ABCG1: variants seen among roughly 807,000 people sequenced by gnomAD.
The protein encoded by ABCG1 is ATP-binding cassette sub-family G member 1.
A neutral mutation model predicts 69.2 loss-of-function variants in ABCG1; 29 were observed. The ratio of observed to expected loss-of-function variants is 0.42; its 90% CI spans 0.31 to 0.57. The LOEUF (loss-of-function observed/expected upper bound fraction) is 0.57. ABCG1 is among the 20% of genes least tolerant of loss of function. The pLI, the probability that ABCG1 is intolerant of heterozygous loss-of-function variation, is 0.15. For synonymous variants in ABCG1, 370 were observed against 374.8 expected (o/e 0.99, Z 0.15); for missense variants, 718 against 898.1 (o/e 0.80, Z 2.56).
In ABCG1 at chr21:42,273,526, GA is replaced by G; in HGVS notation, c.537+92del. The G allele has an allele frequency of 6.8e-7, 1 of 1,468,820 alleles. No homozygotes were observed. 91.0% of individuals were successfully genotyped at this position (1,468,820 alleles called of 1,614,324 possible). A position where few individuals can be genotyped will look rare whatever the true frequency, so the allele number is the denominator to read the frequency against. On this transcript the variant is annotated intron_variant, in intron 4 of 14. Coordinates refer to ENST00000398449, the MANE Select transcript of ABCG1 (RefSeq NM_016818.3). The surrounding 1 kb of genome is among the most constrained non-coding windows in gnomAD (Gnocchi z 5.3). ...CAGCACTGGCCGAGTGCCCAGCTGC[GA>G]GGGACCCAAGGGCTCTGCCACGCGG...
chr21:42,265,194 C>A (rs1206283343), intron 2 of ABCG1, among the ~76,000 whole-genome samples: 2 of 152,204 alleles, frequency 1.3e-5, no homozygotes. Flanking sequence ...CATTCCTGCA[C>A]CCACAGGTCA....
At chr21:42,242,687 G>T (rs1023573767) in intron 2 of ABCG1, among the ~76,000 whole-genome samples, 1 of 152,208 alleles carries the variant, frequency 6.6e-6, no homozygotes. Context: ...ATTCTGTTCC[G>T]GCTCTTGTGT....
At chr21:42,257,286 C>A (rs1050817078) in intron 2 of ABCG1, among the ~76,000 whole-genome samples, 3 of 152,286 alleles carry the variant, frequency 2.0e-5, no homozygotes, top group Non-Finnish European at 4.4e-5. Flanking sequence ...AGATTCCAGT[C>A]AATCAATTTG....
At chr21:42,247,300 G>T (rs1042618088) in intron 2 of ABCG1, among the ~76,000 whole-genome samples, 4 of 152,202 alleles carry the variant, frequency 2.6e-5, no homozygotes, top group Admixed American at 1.3e-4. Flanking sequence ...AATTGATAGG[G>T]ACACAAGGAG....
chr21:42,282,353 A>G lies in ABCG1; in HGVS notation c.668A>G (p.Lys223Arg). Residue 223 changes from lysine (K) to arginine (R), a missense_variant, in exon 6 of 15, where the codon AAG (lysine) becomes AGG (arginine). Coordinates refer to ENST00000398449, the MANE Select transcript of ABCG1 (RefSeq NM_016818.3). ...RTGSLSGGQR[K>R]RLAIALELVN... ...GGGAGCCTGTCAGGTGGTCAGCGCA[A>G]GCGCCTGGCCATCGCGCTGGAGCTG... The G allele has an allele frequency of 6.2e-7, 1 of 1,613,830 alleles. No homozygotes were observed. Among genetic ancestry groups the G allele is most frequent in the Non-Finnish European group, 8.5e-7 (1 of 1,180,010 alleles).
chr21:42,201,589 C>T, exon 2 of ABCG1: 1 of 1,545,604 alleles, frequency 6.5e-7, no homozygotes, highest in Non-Finnish European at 8.7e-7. Flanking sequence ...CTACACCAAC[C>T]TGAACTTCGC....
chr21:42,208,981 G>C lies in ABCG1; in HGVS notation c.48+7258G>C, dbSNP rs558941272. On this transcript the variant is annotated intron_variant, in intron 2 of 15. Transcript: ENST00000398457. ...AGGAGGAATGCAGAGCTGGGGTTCT[G>C]GGGGAGGGAGGCAGGAGGGTCAGGA... is the stretch of plus-strand genomic sequence containing the variant. 2.6e-5 allele frequency among the ~76,000 whole-genome samples: 4 copies of C among 152,306 alleles called. No individual in the cohort carries two copies. In the East Asian group the frequency reaches 7.7e-4, roughly 29 times the overall value.
rs2068712438 is a variant in ABCG1, at chr21:42,276,454, C to T, written c.538-441C>T. 1 of 160,770 alleles carries T rather than the reference C, an allele frequency of 6.2e-6. No individual in the cohort carries two copies. Among genetic ancestry groups the T allele is most frequent in the Non-Finnish European group, 1.4e-5 (1 of 73,158 alleles). 10.0% of individuals were successfully genotyped at this position (160,770 alleles called of 1,614,324 possible). A position where few individuals can be genotyped will look rare whatever the true frequency, so the allele number is the denominator to read the frequency against. On this transcript the variant is annotated intron_variant, in intron 4 of 14. Coordinates refer to ENST00000398449, the MANE Select transcript of ABCG1 (RefSeq NM_016818.3). The surrounding 1 kb of genome is among the most constrained non-coding windows in gnomAD (Gnocchi z 5.3). ...TTACCTCTAAATGGCCCACATCTGA[C>T]TTCTCTCCTGGGTACAGCAGAGAAT...
intron 2 of ABCG1, among the ~76,000 whole-genome samples, chr21:42,240,654 G>A (rs772797063): frequency 2.0e-5 from 3 of 152,218 alleles, no homozygotes; most frequent in African/African-American, 4.8e-5. Context: ...CGCCATGTTG[G>A]CCAGGCCGGT....
chr21:42,276,682 A>G lies in ABCG1; in HGVS notation c.538-213A>G. On this transcript the variant is annotated intron_variant, in intron 4 of 14. Transcript: ENST00000398449. The surrounding 1 kb of genome is among the most constrained non-coding windows in gnomAD (Gnocchi z 5.3). Reference sequence around the variant, plus strand: ...GGCCTTATGCCTAGCTGCACTGTGGATAGCTGCACCGTGACTAGTGGCACC... The same window carrying G: ...GGCCTTATGCCTAGCTGCACTGTGGGTAGCTGCACCGTGACTAGTGGCACC... 1.8e-6 allele frequency: 1 copy of G among 559,228 alleles called. No homozygotes were observed. The allele number at this position is 559,228 out of a possible 1,614,324, so 34.6% of individuals were successfully genotyped here. A position where few individuals can be genotyped will look rare whatever the true frequency, so the allele number is the denominator to read the frequency against.
At chr21:42,242,762 CGTT>C (rs2068070757) in intron 2 of ABCG1, among the ~76,000 whole-genome samples, 1 of 152,102 alleles carries the variant, frequency 6.6e-6, no homozygotes, top group Admixed American at 6.6e-5. Context: ...TGAACCATAT[CGTT>C]GTTTGTTGTG....
At chr21:42,218,434 T>TATGGCCGGGTTCTGAACAC (rs1555947304), upstream of ABCG1, among the ~76,000 whole-genome samples, 10,542 of 152,064 alleles carry the variant, frequency 0.069, 1,221 homozygotes, top group African/African-American at 0.24. Context: ...TCCATGAACA[T>TATGGCCGGGTTCTGAACAC]GGCTCTGGAA....
intron 2 of ABCG1, among the ~76,000 whole-genome samples, chr21:42,259,717 G>A (rs1471002921): frequency 1.3e-5 from 2 of 152,238 alleles, no homozygotes; most frequent in Admixed American, 1.3e-4. Flanking sequence ...ACTCGGTGAT[G>A]GGAGTATACT....
chr21:42,207,926 C>A (rs570351587), intron 2 of ABCG1, among the ~76,000 whole-genome samples: 2 of 152,162 alleles, frequency 1.3e-5, no homozygotes, highest in Non-Finnish European at 2.9e-5. Context: ...GCAAGGTGGA[C>A]GAGGAGCTTC....
chr21:42,273,294 G>A lies in ABCG1; in HGVS notation c.405-9G>A, dbSNP rs2068649489. 1.2e-6 allele frequency: 2 copies of A among 1,610,914 alleles called. No individual in the cohort carries two copies. Among genetic ancestry groups the A allele is most frequent in the Non-Finnish European group, 1.7e-6 (2 of 1,178,716 alleles). On this transcript the variant is annotated splice_polypyrimidine_tract_variant and intron_variant, in intron 3 of 14. Coordinates refer to ENST00000398449, the MANE Select transcript of ABCG1 (RefSeq NM_016818.3). This position sits in a 1 kb window ranked among gnomAD's most constrained non-coding sequence, Gnocchi z 5.3. ...CGGCTGACGGCTTCTCCTGTCCTTGGTTCTGCAGGGAGACGGGCATGAAGG... is the reference window on the plus strand; with the variant it reads ...CGGCTGACGGCTTCTCCTGTCCTTGATTCTGCAGGGAGACGGGCATGAAGG...
chr21:42,264,947 C>T (rs2068477257), intron 2 of ABCG1, among the ~76,000 whole-genome samples: 1 of 152,202 alleles, frequency 6.6e-6, no homozygotes, highest in South Asian at 2.1e-4. Context: ...CTCATGGTTT[C>T]TGCCCGTGGT....
intron 14 of ABCG1, 30 bp downstream of exon 14, chr21:42,294,690 G>A (rs970521742): frequency 6.3e-7 from 1 of 1,594,476 alleles, no homozygotes; most frequent in African/African-American, 1.3e-5. Flanking sequence ...CATGGCGTGG[G>A]GACCGAGGGT....
At chr21:42,284,466 C>T in intron 6 of ABCG1, 94 bp from the exon 7 acceptor site, 1 of 1,474,402 alleles carries the variant, frequency 6.8e-7, no homozygotes, top group Non-Finnish European at 9.1e-7. Context: ...GATGCCAAGC[C>T]CTCTGGGACA....
At position 42,296,486 on chromosome 21, in the gene ABCG1, A is replaced by G; in HGVS notation, c.*94A>G. 3.4e-6 allele frequency: 4 copies of G among 1,160,092 alleles called. No homozygotes were observed. The highest frequency in any genetic ancestry group is 5.0e-6 in the Non-Finnish European group (4 of 806,080). The allele number at this position is 1,160,092 out of a possible 1,614,324, so 71.9% of individuals were successfully genotyped here. A position where few individuals can be genotyped will look rare whatever the true frequency, so the allele number is the denominator to read the frequency against. On this transcript the variant is annotated 3_prime_UTR_variant, in exon 15 of 15. Coordinates refer to ENST00000398449, the MANE Select transcript of ABCG1 (RefSeq NM_016818.3). This position sits in a 1 kb window ranked among gnomAD's most constrained non-coding sequence, Gnocchi z 5.4. ...CAAGCCTGTGCCCGACCGACGACAC[A>G]GAGACTCTTCTGATCCAACCCCTAG...
Sources: gnomAD v4.1 joint callset for allele counts (sites outside exome capture counted in the v4.1 genomes callset) on GRCh38, gnomAD v4.1.1 for gene constraint, Gnocchi (gnomAD v3.1) non-coding constraint, MANE v1.5 for transcripts, NCBI Gene and HGNC (gene_info 2026-07-23, HGNC 2026-07-21) for gene names.